The following PHYHIPL variants were observed in gnomAD, a reference collection of about 807,000 sequenced individuals.
PHYHIPL encodes the protein phytanoyl-CoA 2-hydroxylase interacting protein like.
A neutral mutation model predicts 33.4 loss-of-function variants in PHYHIPL; 9 were observed. The observed-to-expected ratio is 0.27, with a 90% confidence interval of 0.16 to 0.47. The LOEUF is 0.47. PHYHIPL is among the 20% of genes least tolerant of loss of function. The probability of loss-of-function intolerance (pLI) is 0.99; values close to 1 mark genes in which losing one functional copy is unlikely to be tolerated. For synonymous variants in PHYHIPL, 153 were observed against 154.1 expected (o/e 0.99, Z 0.05); for missense variants, 365 against 460.7 (o/e 0.79, Z 1.90).
At chr10:59,230,586 G>C (rs971343368) in intron 1 of PHYHIPL, among the ~76,000 whole-genome samples, 2 of 152,124 alleles carry the variant, frequency 1.3e-5, no homozygotes, top group African/African-American at 4.8e-5. Context: ...TAATGAAATT[G>C]TATCTTAAGC....
rs545614292 is a variant in PHYHIPL at position 59,247,429 on chromosome 10, T to C, written c.*1838T>C. On this transcript the variant is annotated 3_prime_UTR_variant, in exon 5 of 5. Transcript: ENST00000373880. The stretch of plus-strand genomic sequence containing the variant: ...AATTATATGGCTACCTGTTGTATTC[T>C]TCCCCCCGTTTAAATCCCTTCTCCT... The C allele has an allele frequency of 3.0e-6, 2 of 658,292 alleles. No individual in the cohort carries two copies. Among genetic ancestry groups the C allele is most frequent in the South Asian group, 2.0e-5 (1 of 49,410 alleles). The allele number at this position is 658,292 out of a possible 1,614,324, so 40.8% of individuals were successfully genotyped here.
intron 1 of PHYHIPL, among the ~76,000 whole-genome samples, chr10:59,224,497 A>AAACAAAAAACAAAAC (rs370140471): frequency 8.2e-4 from 58 of 70,500 alleles, no homozygotes; most frequent in African/African-American, 2.0e-3. Flanking sequence ...AAACAAAACA[A>AAACAAAAAACAAAAC]AAAACAAAAC....
intron 1 of PHYHIPL, chr10:59,177,767 G>C (rs1257354688): frequency 5.3e-6 from 5 of 943,608 alleles, no homozygotes; most frequent in Non-Finnish European, 8.2e-6. Context: ...AGTGCTTCTG[G>C]GTTAGCTGGA....
At chr10:59,241,289 C>T (rs1840386804) in intron 4 of PHYHIPL, among the ~76,000 whole-genome samples, 1 of 152,036 alleles carries the variant, frequency 6.6e-6, no homozygotes, top group Non-Finnish European at 1.5e-5. Context: ...ACTGGATACA[C>T]TTTCCAAAGT....
intron 4 of PHYHIPL, among the ~76,000 whole-genome samples, chr10:59,241,012 T>TAA (rs1446036245): frequency 6.6e-6 from 1 of 152,154 alleles, no homozygotes; most frequent in Non-Finnish European, 1.5e-5. Flanking sequence ...TTACCTTTGT[T>TAA]AAGTTTTCCA....
chr10:59,180,314 G>A (rs1477043568), intron 1 of PHYHIPL, among the ~76,000 whole-genome samples: 265 of 86,020 alleles, frequency 3.1e-3, no homozygotes, highest in Middle Eastern at 5.7e-3. Context: ...TATAGAAAAA[G>A]TATATATATA....
Position 59,206,523 on chromosome 10 carries a change from G to GCTAGAAATTCTGGAAATT in PHYHIPL, c.107-27760_107-27743dup, listed in dbSNP as rs570490647. ...ACTGAGTCTGTTTTTACAGTAGCCAGCTAGAAATTCTGGAAATTCTAGAAA... is the reference window on the plus strand; with the variant it reads ...ACTGAGTCTGTTTTTACAGTAGCCAGCTAGAAATTCTGGAAATTCTAGAAATTCTGGAAATTCTAGAAA... On this transcript the variant is annotated intron_variant, in intron 1 of 4. Coordinates refer to ENST00000373880, the MANE Select transcript of PHYHIPL (RefSeq NM_032439.4). 4.1e-3 allele frequency among the ~76,000 whole-genome samples: 622 copies of GCTAGAAATTCTGGAAATT among 152,284 alleles called. 2 individuals carry two copies. The highest frequency in any genetic ancestry group is 7.1e-3 in the Non-Finnish European group (486 of 68,020).
At chr10:59,236,805 A>G in intron 3 of PHYHIPL, 148 bp downstream of exon 3, 3 of 615,428 alleles carry the variant, frequency 4.9e-6, no homozygotes, top group Middle Eastern at 4.6e-4. Context: ...AACAGAATAA[A>G]CAATGTTGTA....
chr10:59,210,309 A>G (rs371545398), intron 1 of PHYHIPL, among the ~76,000 whole-genome samples: 2 of 152,402 alleles, frequency 1.3e-5, no homozygotes, highest in East Asian at 3.9e-4. Context: ...TATGCAGCCA[A>G]CAAACAGATG....
At chr10:59,222,174 A>G (rs1162428613) in intron 1 of PHYHIPL, among the ~76,000 whole-genome samples, 1 of 152,100 alleles carries the variant, frequency 6.6e-6, no homozygotes, top group Non-Finnish European at 1.5e-5. Flanking sequence ...AAGCCCAGGA[A>G]TTATAATCAC....
In PHYHIPL at chr10:59,245,961, C is replaced by T. The variant is rs190534634; in HGVS notation, c.*370C>T. ...TGTTTAAATATGCATTCATTTTAATCTACTGAACAAATATTGGGATAACTC... is the reference window on the plus strand; with the variant it reads ...TGTTTAAATATGCATTCATTTTAATTTACTGAACAAATATTGGGATAACTC... On this transcript the variant is annotated 3_prime_UTR_variant, in exon 5 of 5. Coordinates refer to ENST00000373880, the MANE Select transcript of PHYHIPL (RefSeq NM_032439.4). 1 of 170,674 alleles carries T rather than the reference C, an allele frequency of 5.9e-6. No homozygotes were observed. Among genetic ancestry groups the T allele is most frequent in the African/African-American group, 2.4e-5 (1 of 42,092 alleles). The allele number at this position is 170,674 out of a possible 1,614,324, so 10.6% of individuals were successfully genotyped here. A position where few individuals can be genotyped will look rare whatever the true frequency, so the allele number is the denominator to read the frequency against.
intron 1 of PHYHIPL, among the ~76,000 whole-genome samples, chr10:59,201,711 C>T (rs942209447): frequency 6.6e-6 from 1 of 152,038 alleles, no homozygotes; most frequent in African/African-American, 2.4e-5. Flanking sequence ...CTTCCTAATT[C>T]TAGTTTCAGC....
At position 59,246,906 on chromosome 10, in the gene PHYHIPL, A is replaced by T. The variant is rs1462541810; in HGVS notation, c.*1315A>T. 8 of 310,990 alleles carry T rather than the reference A, an allele frequency of 2.6e-5. No homozygotes were observed. In the South Asian group the frequency reaches 1.3e-3, roughly 50 times the overall value. 19.3% of individuals were successfully genotyped at this position (310,990 alleles called of 1,614,324 possible). ...TTTTAAATTTTTAATACAATATTTTATTTTAATATAAACATCTGTCAGTTA... is the reference window on the plus strand; with the variant it reads ...TTTTAAATTTTTAATACAATATTTTTTTTTAATATAAACATCTGTCAGTTA... On this transcript the variant is annotated 3_prime_UTR_variant, in exon 5 of 5. Transcript: ENST00000373880.
intron 1 of PHYHIPL, among the ~76,000 whole-genome samples, chr10:59,201,901 A>T (rs1839130730): frequency 6.6e-6 from 1 of 152,186 alleles, no homozygotes; most frequent in Non-Finnish European, 1.5e-5. Flanking sequence ...TCAGAGAAAT[A>T]TATAGGAAGT....
chr10:59,228,944 A>G (rs1840001211), intron 1 of PHYHIPL, among the ~76,000 whole-genome samples: 1 of 152,192 alleles, frequency 6.6e-6, no homozygotes, highest in African/African-American at 2.4e-5. Context: ...CATTGTTTTC[A>G]AGGCAAAACT....
chr10:59,188,590 T>C (rs958797443), intron 1 of PHYHIPL, among the ~76,000 whole-genome samples: 55 of 152,162 alleles, frequency 3.6e-4, no homozygotes, highest in Non-Finnish European at 7.2e-4. Flanking sequence ...ATTATTATTG[T>C]GTGGGAGTCT....
chr10:59,245,015 C>A, intron 4 of PHYHIPL, 42 bp from the exon 5 acceptor site: 1 of 1,549,562 alleles, frequency 6.5e-7, no homozygotes, highest in South Asian at 1.3e-5. Context: ...AGTGGGTTTA[C>A]CACTATTGTA....
At chr10:59,204,070 T>G (rs1353291511) in intron 1 of PHYHIPL, among the ~76,000 whole-genome samples, 5 of 152,264 alleles carry the variant, frequency 3.3e-5, no homozygotes, top group African/African-American at 2.4e-5. Flanking sequence ...TGGGAAGTCT[T>G]TATGTAGATT....
chr10:59,212,443 C>A (rs1376435325), intron 1 of PHYHIPL, among the ~76,000 whole-genome samples: 1 of 152,178 alleles, frequency 6.6e-6, no homozygotes, highest in Admixed American at 6.5e-5. Flanking sequence ...CAGACTGTAA[C>A]CCACTTGTGT....
Sources: gnomAD v4.1 joint callset for allele counts (sites outside exome capture counted in the v4.1 genomes callset) on GRCh38, gnomAD v4.1.1 for gene constraint, MANE v1.5 for transcripts, NCBI Gene and HGNC (gene_info 2026-07-23, HGNC 2026-07-21) for gene names.